VAV3: variants seen among roughly 807,000 people sequenced by gnomAD.
The protein encoded by VAV3 is vav guanine nucleotide exchange factor 3, also known as guanine nucleotide exchange factor VAV3.
A neutral mutation model predicts 131.2 loss-of-function variants in VAV3; 94 were observed. The ratio of observed to expected loss-of-function variants is 0.72; its 90% CI spans 0.61 to 0.85. VAV3 has a LOEUF of 0.85. VAV3 is among the 40% of genes least tolerant of loss of function. The pLI is 0.00. For synonymous variants in VAV3, 349 were observed against 342.0 expected (o/e 1.02, Z -0.22); for missense variants, 939 against 1,002.7 (o/e 0.94, Z 0.86).
chr1:107,657,136 G>A (rs1289731292), intron 19 of VAV3, among the ~76,000 whole-genome samples: 2 of 151,764 alleles, frequency 1.3e-5, no homozygotes, highest in Admixed American at 6.6e-5. Context: ...TGTGTTTTTA[G>A]CAGAGATGGA....
intron 2 of VAV3, among the ~76,000 whole-genome samples, chr1:107,811,409 A>G (rs768904870): frequency 4.6e-5 from 7 of 152,314 alleles, no homozygotes; most frequent in Admixed American, 2.0e-4. Context: ...AAATAGGATG[A>G]CGCTCTGGAA....
chr1:107,724,209 C>T (rs1661692371), intron 15 of VAV3, among the ~76,000 whole-genome samples: 1 of 152,038 alleles, frequency 6.6e-6, no homozygotes, highest in African/African-American at 2.4e-5. Context: ...TCACCTCCGT[C>T]TCAGCCCCAA....
chr1:107,579,880 C>T (rs1176479728), intron 25 of VAV3, among the ~76,000 whole-genome samples: 1 of 152,162 alleles, frequency 6.6e-6, no homozygotes, highest in Non-Finnish European at 1.5e-5. Context: ...ACATTTCCAA[C>T]TCCAAATATC....
At chr1:107,960,197 G>C (rs774514547) in intron 1 of VAV3, among the ~76,000 whole-genome samples, 1 of 152,178 alleles carries the variant, frequency 6.6e-6, no homozygotes, top group Non-Finnish European at 1.5e-5. Context: ...GCTGGGCGTG[G>C]CAGCTCATGC....
intron 25 of VAV3, among the ~76,000 whole-genome samples, chr1:107,582,723 C>T (rs1035020840): frequency 2.0e-5 from 3 of 152,004 alleles, no homozygotes; most frequent in Non-Finnish European, 2.9e-5. Flanking sequence ...TCATCCATGT[C>T]CCTACAAAGG....
chr1:107,673,854 A>C (rs1027350983), intron 19 of VAV3, among the ~76,000 whole-genome samples: 34 of 152,338 alleles, frequency 2.2e-4, no homozygotes, highest in African/African-American at 8.2e-4. Flanking sequence ...TAGCTGAGTG[A>C]GAGGATTATA....
chr1:107,687,606 G>T (rs556913384), intron 18 of VAV3, among the ~76,000 whole-genome samples: 18 of 152,182 alleles, frequency 1.2e-4, no homozygotes, highest in Non-Finnish European at 2.1e-4. Context: ...TTGGTTGAAG[G>T]TCAAGGCAAT....
chr1:107,767,252 C>T (rs753941941), intron 7 of VAV3, among the ~76,000 whole-genome samples: 56 of 152,118 alleles, frequency 3.7e-4, no homozygotes, highest in Non-Finnish European at 7.2e-4. Context: ...ACATTTTTCC[C>T]GATAAGCAAC....
At chr1:107,631,531 G>C (rs1654483029) in intron 20 of VAV3, among the ~76,000 whole-genome samples, 1 of 151,282 alleles carries the variant, frequency 6.6e-6, no homozygotes, top group East Asian at 1.9e-4. Context: ...CAATGTACAG[G>C]TTAGTTACAT....
intron 18 of VAV3, among the ~76,000 whole-genome samples, chr1:107,684,261 A>T (rs1410500572): frequency 6.6e-6 from 1 of 152,262 alleles, no homozygotes; most frequent in Non-Finnish European, 1.5e-5. Flanking sequence ...ACCTAACTAC[A>T]GTAATCTCAC....
At chr1:107,697,684 C>A (rs1366062000) in intron 17 of VAV3, among the ~76,000 whole-genome samples, 2 of 152,082 alleles carry the variant, frequency 1.3e-5, no homozygotes, top group African/African-American at 4.8e-5. Context: ...GTTTCTTCAT[C>A]TTAAAATAAG....
chr1:107,667,030 G>C (rs1657459540), intron 19 of VAV3, among the ~76,000 whole-genome samples: 1 of 152,154 alleles, frequency 6.6e-6, no homozygotes, highest in Non-Finnish European at 1.5e-5. Flanking sequence ...CTGCTCTAAT[G>C]GATCTGGACA....
At position 107,629,045 on chromosome 1, in the gene VAV3, GAT is replaced by G. The variant is rs377496226; in HGVS notation, c.1915-11415_1915-11414del. 3.1e-3 allele frequency among the ~76,000 whole-genome samples: 467 copies of G among 152,246 alleles called. 2 individuals carry two copies. Among genetic ancestry groups the G allele is most frequent in the South Asian group, 0.01 (50 of 4,824 alleles). ...AAAAATATATATTATTTTTGGCACT[GAT>G]TACAGTTCTACTGCTTATAATTGCC... is the stretch of plus-strand genomic sequence containing the variant. On this transcript the variant is annotated intron_variant, in intron 20 of 26. Coordinates refer to ENST00000370056, the MANE Select transcript of VAV3 (RefSeq NM_006113.5).
chr1:107,666,101 A>T (rs1657389387), intron 19 of VAV3, among the ~76,000 whole-genome samples: 1 of 152,184 alleles, frequency 6.6e-6, no homozygotes, highest in Non-Finnish European at 1.5e-5. Context: ...CACACACATT[A>T]TCTTCCTTTA....
rs547426068 is a variant in VAV3, at chr1:107,682,001, G to A, written c.1777+1487C>T. 1.2e-4 allele frequency among the ~76,000 whole-genome samples: 19 copies of A among 152,204 alleles called. No homozygotes were observed. The South Asian group carries it at 2.9e-3, about 23-fold the overall frequency. On this transcript the variant is annotated intron_variant, in intron 19 of 26. Coordinates refer to ENST00000370056, the MANE Select transcript of VAV3 (RefSeq NM_006113.5). The stretch of plus-strand genomic sequence containing the variant: ...ACATAAATACAACAGCACTTCTCTT[G>A]TAAGTTTATTCTTCATGAAGTTCTA...
chr1:107,838,675 T>C (rs1668572648), intron 2 of VAV3, among the ~76,000 whole-genome samples: 1 of 152,088 alleles, frequency 6.6e-6, no homozygotes, highest in South Asian at 2.1e-4. Flanking sequence ...GCAGCACTAT[T>C]CACAATAGCA....
chr1:107,838,809 G>C (rs1414457221), intron 2 of VAV3, among the ~76,000 whole-genome samples: 7 of 152,122 alleles, frequency 4.6e-5, no homozygotes, highest in Non-Finnish European at 8.8e-5. Context: ...AGCATAGATG[G>C]TGCTGGAGCG....
chr1:107,680,095 G>A (rs951387248), intron 19 of VAV3, among the ~76,000 whole-genome samples: 11 of 152,136 alleles, frequency 7.2e-5, no homozygotes, highest in Admixed American at 4.6e-4. Context: ...TGATTTAAAT[G>A]TGCTAACAAG....
In VAV3 at chr1:107,965,151, G is replaced by A. The variant is rs1299327239; in HGVS notation, c.-282C>T. 1 of 149,536 alleles carries A rather than the reference G, an allele frequency of 6.7e-6. No homozygotes were observed. 9.3% of individuals were successfully genotyped at this position (149,536 alleles called of 1,614,324 possible). On this transcript the variant is annotated 5_prime_UTR_variant, in exon 1 of 27. Coordinates refer to ENST00000370056, the MANE Select transcript of VAV3 (RefSeq NM_006113.5). Reference sequence around the variant, plus strand: ...GCTCGGCGGCGGCTGCCGCGCACAGGCTTCCGACTCCAGCGCCCGGCCCGC... The same window carrying A: ...GCTCGGCGGCGGCTGCCGCGCACAGACTTCCGACTCCAGCGCCCGGCCCGC...
Sources: gnomAD v4.1 joint callset for allele counts (sites outside exome capture counted in the v4.1 genomes callset) on GRCh38, gnomAD v4.1.1 for gene constraint, MANE v1.5 for transcripts, NCBI Gene and HGNC (gene_info 2026-07-23, HGNC 2026-07-21) for gene names.